LINGO2: variants seen among roughly 807,000 people sequenced by gnomAD.
LINGO2 encodes leucine rich repeat and Ig domain containing 2.
LINGO2 carries 14 observed loss-of-function variants against 30.6 expected under a neutral mutation model. The observed-to-expected ratio is 0.46, with a 90% CI of 0.30 to 0.72. LINGO2 has a LOEUF of 0.72. Ranked by LOEUF, LINGO2 falls within the 30% of genes least tolerant of loss-of-function variation. The pLI is 0.07. For missense variants in LINGO2, 729 were observed against 751.7 expected, an observed-to-expected ratio of 0.97 and a Z score of 0.35; for synonymous variants, 317 against 288.5, an observed-to-expected ratio of 1.10 and a Z score of -1.00.
At chr9:29,079,118 T>G in the LINGO2 span, among the ~76,000 whole-genome samples, 3 of 150,160 alleles carry the variant, frequency 2.0e-5, no homozygotes, top group African/African-American at 7.4e-5. Flanking sequence ...AATTTGGGTA[T>G]AGACAGAGGA....
chr9:28,271,866 A>C (rs1822952357), intron 4 of LINGO2, among the ~76,000 whole-genome samples: 1 of 152,208 alleles, frequency 6.6e-6, no homozygotes, highest in Non-Finnish European at 1.5e-5. Flanking sequence ...TAGAAAATAG[A>C]AAAACAGTCC....
intron 5 of LINGO2, among the ~76,000 whole-genome samples, chr9:28,003,448 G>T (rs1822086050): frequency 6.6e-6 from 1 of 151,838 alleles, no homozygotes; most frequent in African/African-American, 2.4e-5. Flanking sequence ...AGGTGTTTTG[G>T]GTCTTTATTT....
At chr9:28,470,934 AACAT>A (rs897324542) in intron 2 of LINGO2, among the ~76,000 whole-genome samples, 3 of 148,182 alleles carry the variant, frequency 2.0e-5, no homozygotes, top group African/African-American at 7.3e-5. Context: ...AGTAATATAT[AACAT>A]ATATATTATA....
chr9:27,958,255 A>C (rs1819674462), intron 5 of LINGO2, among the ~76,000 whole-genome samples: 1 of 152,170 alleles, frequency 6.6e-6, no homozygotes, highest in African/African-American at 2.4e-5. Context: ...ATACTGATTA[A>C]TTTTTGAAGA....
chr9:28,561,749 G>GTGTGTATATATATATATATATATATATA (rs772157537), intron 1 of LINGO2, among the ~76,000 whole-genome samples: 1 of 48,754 alleles, frequency 2.1e-5, no homozygotes, highest in Admixed American at 2.2e-4. Flanking sequence ...GTGTGTGTGT[G>GTGTGTATATATATATATATATATATATA]TATATATATA....
chr9:28,895,837 A>AG, the LINGO2 span, among the ~76,000 whole-genome samples: 10 of 152,034 alleles, frequency 6.6e-5, no homozygotes, highest in Non-Finnish European at 1.5e-5. Flanking sequence ...AGCAGATTTG[A>AG]GGGGAAAAAA....
chr9:27,977,952 A>C (rs186394464), intron 5 of LINGO2, among the ~76,000 whole-genome samples: 14 of 152,190 alleles, frequency 9.2e-5, no homozygotes, highest in Admixed American at 2.0e-4. Flanking sequence ...CTGGCTCTGC[A>C]AACAAGCCCC....
chr9:28,512,630 TATATATAC>T (rs1205388894), intron 1 of LINGO2, among the ~76,000 whole-genome samples: 465 of 6,848 alleles, frequency 0.068, 14 homozygotes, highest in African/African-American at 0.11. Flanking sequence ...TATATATATA[TATATATAC>T]ACACATACAT....
intron 3 of LINGO2, among the ~76,000 whole-genome samples, chr9:28,348,631 C>T (rs997813053): frequency 6.6e-6 from 1 of 152,176 alleles, no homozygotes. Context: ...GAAGCTGGAA[C>T]TGGGTGGAGC....
the LINGO2 span, among the ~76,000 whole-genome samples, chr9:29,081,770 C>T: frequency 6.6e-6 from 1 of 152,116 alleles, no homozygotes; most frequent in African/African-American, 2.4e-5. Context: ...AATTCACAAG[C>T]ATTCTTATAC....
chr9:28,621,325 T>C lies in LINGO2; in HGVS notation c.-365+48875A>G, dbSNP rs533160123. ...ATAATTAAGTAAGTCATATTTTCAA[T>C]GAATTTGACATATAGAGTCATACCA... On this transcript the variant is annotated intron_variant, in intron 1 of 5. Coordinates refer to ENST00000379992, the Ensembl canonical transcript of LINGO2. Among the ~76,000 whole-genome samples, 27 of 152,124 alleles carry C rather than the reference T, an allele frequency of 1.8e-4. No individual in the cohort carries two copies. The South Asian group carries it at 5.4e-3, about 30-fold the overall frequency.
the LINGO2 span, among the ~76,000 whole-genome samples, chr9:28,874,444 T>G: frequency 6.6e-6 from 1 of 152,086 alleles, no homozygotes; most frequent in African/African-American, 2.4e-5. Context: ...CGAGCACTGT[T>G]TTTAAGTGTA....
At chr9:28,822,737 A>C in the LINGO2 span, among the ~76,000 whole-genome samples, 1 of 152,156 alleles carries the variant, frequency 6.6e-6, no homozygotes, top group Non-Finnish European at 1.5e-5. Context: ...CTCAGGTTGC[A>C]GACGGCCTTT....
At chr9:28,702,356 G>T in the LINGO2 span, among the ~76,000 whole-genome samples, 1 of 151,742 alleles carries the variant, frequency 6.6e-6, no homozygotes, top group Non-Finnish European at 1.5e-5. Flanking sequence ...TCTGTTAAAT[G>T]ATCTTCCTAT....
chr9:28,577,421 C>A (rs575700284), intron 1 of LINGO2, among the ~76,000 whole-genome samples: 29 of 152,192 alleles, frequency 1.9e-4, no homozygotes, highest in South Asian at 4.1e-4. Flanking sequence ...CCCACGAGTA[C>A]CATTTTCCAC....
At chr9:27,987,132 G>T (rs1386641048) in intron 5 of LINGO2, among the ~76,000 whole-genome samples, 2 of 151,762 alleles carry the variant, frequency 1.3e-5, no homozygotes, top group Admixed American at 1.3e-4. Context: ...CCTTCAAGGG[G>T]TACTTATGAG....
intron 4 of LINGO2, among the ~76,000 whole-genome samples, chr9:28,127,096 C>T (rs1827257828): frequency 1.3e-5 from 2 of 152,182 alleles, no homozygotes; most frequent in African/African-American, 4.8e-5. Context: ...TTCGCTGGAA[C>T]TCAGTTCTGC....
chr9:28,637,942 G>A (rs1248005170), intron 1 of LINGO2, among the ~76,000 whole-genome samples: 1 of 152,140 alleles, frequency 6.6e-6, no homozygotes, highest in Non-Finnish European at 1.5e-5. Context: ...CATTCAATAT[G>A]ATATTGGCTG....
chr9:28,120,583 C>T (rs1391275166), intron 4 of LINGO2, among the ~76,000 whole-genome samples: 1 of 152,172 alleles, frequency 6.6e-6, no homozygotes, highest in African/African-American at 2.4e-5. Context: ...ACCCGCCTCC[C>T]TTTCTTCACC....
Sources: gnomAD v4.1 joint callset for allele counts (sites outside exome capture counted in the v4.1 genomes callset) on GRCh38, gnomAD v4.1.1 for gene constraint, MANE v1.5 for transcripts, NCBI Gene and HGNC (gene_info 2026-07-23, HGNC 2026-07-21) for gene names.